Variants in HMGCLL1 observed in about 807,000 individuals in gnomAD.
HMGCLL1 encodes 3-hydroxymethyl-3-methylglutaryl-CoA lyase, cytoplasmic.
Under a neutral mutation model 39.1 loss-of-function variants are expected in HMGCLL1, and 36 were observed. That is an observed-to-expected ratio of 0.92 (90% CI 0.71 to 1.22). The LOEUF (loss-of-function observed/expected upper bound fraction) is 1.22. Ranked by LOEUF, HMGCLL1 falls within the 50% of genes most tolerant of loss-of-function variation. The pLI is 0.00. For missense variants in HMGCLL1, 451 were observed against 416.5 expected, an observed-to-expected ratio of 1.08 and a Z score of -0.72; for synonymous variants, 149 against 144.0, an observed-to-expected ratio of 1.03 and a Z score of -0.25.
chr6:55,539,414 C>T (rs1297560591), intron 3 of HMGCLL1, among the ~76,000 whole-genome samples: 1 of 152,026 alleles, frequency 6.6e-6, no homozygotes, highest in African/African-American at 2.4e-5. Context: ...GCACTATTCA[C>T]AACAGTAAAG....
At chr6:55,628,114 TATATAAAATA>T in the HMGCLL1 span, among the ~76,000 whole-genome samples, 7 of 7,270 alleles carry the variant, frequency 9.6e-4, no homozygotes, top group Admixed American at 2.7e-3. Flanking sequence ...CTATATATAA[TATATAAAATA>T]AATATATATA....
chr6:55,640,382 C>T, the HMGCLL1 span, among the ~76,000 whole-genome samples: 1 of 151,918 alleles, frequency 6.6e-6, no homozygotes, highest in Admixed American at 6.6e-5. Flanking sequence ...TTGCCTACTA[C>T]AAGAATGAAT....
At chr6:55,476,013 A>G (rs1025250003) in intron 7 of HMGCLL1, among the ~76,000 whole-genome samples, 21 of 151,668 alleles carry the variant, frequency 1.4e-4, no homozygotes, top group Non-Finnish European at 1.0e-4. Context: ...TTGTTATCTG[A>G]TAAGTTCTTC....
At chr6:55,658,070 A>C in the HMGCLL1 span, among the ~76,000 whole-genome samples, 1 of 151,928 alleles carries the variant, frequency 6.6e-6, no homozygotes. Flanking sequence ...AAAATTTAAA[A>C]AAAAAGTGTA....
At position 55,541,774 on chromosome 6, in the gene HMGCLL1, A is replaced by G. The variant is rs373008744; in HGVS notation, c.252T>C (p.Ser84=). 3.4e-5 allele frequency: 55 copies of G among 1,610,456 alleles called. No homozygotes were observed. In the African/African-American group the frequency reaches 6.3e-4, roughly 18 times the overall value. ...FINRLSQTGL[S]VIEVTSFVSS... Reference sequence around the variant, plus strand: ...ACACAAAGCTAGTCACTTCTATTACAGACAAGCCAGTTTGGGAAAGTCGAT... The same window carrying G: ...ACACAAAGCTAGTCACTTCTATTACGGACAAGCCAGTTTGGGAAAGTCGAT... Residue 84 remains serine (S), a synonymous_variant, in exon 3 of 9, where the codon TCT becomes TCC. Transcript: ENST00000274901.
intron 7 of HMGCLL1, among the ~76,000 whole-genome samples, chr6:55,476,580 A>G (rs1765296445): frequency 6.6e-6 from 1 of 151,684 alleles, no homozygotes; most frequent in African/African-American, 2.4e-5. Context: ...ACTGGCTAGA[A>G]ACTCCTACTT....
At chr6:55,556,158 G>C in intron 1 of HMGCLL1, among the ~76,000 whole-genome samples, 1 of 151,932 alleles carries the variant, frequency 6.6e-6, no homozygotes, top group South Asian at 2.1e-4. Flanking sequence ...CAGTGAACAG[G>C]ACACACAAAA....
intron 8 of HMGCLL1, 111 bp downstream of exon 8, chr6:55,439,323 G>A: frequency 9.3e-7 from 1 of 1,075,742 alleles, no homozygotes; most frequent in African/African-American, 1.6e-5. Context: ...TTAGCAAATA[G>A]CAAAAGTGTA....
At chr6:55,600,671 A>T in the HMGCLL1 span, among the ~76,000 whole-genome samples, 2 of 152,146 alleles carry the variant, frequency 1.3e-5, no homozygotes, top group Non-Finnish European at 2.9e-5. Flanking sequence ...GAATAAAAAA[A>T]TTAACATAAA....
At chr6:55,449,498 C>T (rs891780184) in intron 7 of HMGCLL1, among the ~76,000 whole-genome samples, 3 of 152,180 alleles carry the variant, frequency 2.0e-5, no homozygotes, top group Non-Finnish European at 1.5e-5. Flanking sequence ...GAGAAACAAA[C>T]ATCTATGTGT....
the HMGCLL1 span, among the ~76,000 whole-genome samples, chr6:55,637,030 A>G: frequency 6.6e-6 from 1 of 152,218 alleles, no homozygotes; most frequent in Admixed American, 6.6e-5. Context: ...TTAAAGAGCC[A>G]GCTAAAAAAT....
At chr6:55,484,183 A>G (rs183216732) in intron 7 of HMGCLL1, among the ~76,000 whole-genome samples, 26 of 152,180 alleles carry the variant, frequency 1.7e-4, no homozygotes, top group Non-Finnish European at 3.5e-4. Flanking sequence ...AGGGATGACA[A>G]TGTGGACAAT....
intron 7 of HMGCLL1, among the ~76,000 whole-genome samples, chr6:55,479,148 G>C (rs1402682098): frequency 6.6e-6 from 1 of 151,424 alleles, no homozygotes; most frequent in African/African-American, 2.4e-5. Context: ...TATGGAGCTA[G>C]GGACTATCCT....
At chr6:55,641,201 T>C in the HMGCLL1 span, among the ~76,000 whole-genome samples, 7 of 151,610 alleles carry the variant, frequency 4.6e-5, no homozygotes, top group Admixed American at 1.3e-4. Context: ...TGAGCTATTA[T>C]AAAAGACAGG....
In HMGCLL1 at chr6:55,542,269, C is replaced by T. The variant is rs571166348; in HGVS notation, c.109-129G>A. On this transcript the variant is annotated intron_variant, in intron 1 of 8. Coordinates refer to ENST00000274901, the MANE Select transcript of HMGCLL1 (RefSeq NM_001042406.2). Reference sequence around the variant, plus strand: ...GAATTAAAATACTGAAAAATCAATACAATGATATCATGAAAATGCACTATT... The same window carrying T: ...GAATTAAAATACTGAAAAATCAATATAATGATATCATGAAAATGCACTATT... The T allele has an allele frequency of 3.8e-4, 204 of 541,352 alleles. 1 individual carries two copies. Among genetic ancestry groups the T allele is most frequent in the Middle Eastern group, 3.6e-3 (8 of 2,236 alleles). 33.5% of individuals were successfully genotyped at this position (541,352 alleles called of 1,614,324 possible).
the HMGCLL1 span, among the ~76,000 whole-genome samples, chr6:55,605,012 C>T: frequency 1.9e-4 from 29 of 152,132 alleles, no homozygotes; most frequent in Non-Finnish European, 3.7e-4. Flanking sequence ...GTGCTATGCA[C>T]GGTAAACATG....
chr6:55,599,682 T>C, the HMGCLL1 span, among the ~76,000 whole-genome samples: 5 of 152,290 alleles, frequency 3.3e-5, 1 homozygote, highest in Non-Finnish European at 2.9e-5. Context: ...AGCATAACCA[T>C]GGATGCAAGT....
At chr6:55,642,434 C>G in the HMGCLL1 span, among the ~76,000 whole-genome samples, 1 of 151,794 alleles carries the variant, frequency 6.6e-6, no homozygotes, top group Non-Finnish European at 1.5e-5. Context: ...ATGAGTCAAT[C>G]TGAATGAATT....
chr6:55,622,292 A>C, the HMGCLL1 span, among the ~76,000 whole-genome samples: 1 of 152,108 alleles, frequency 6.6e-6, no homozygotes, highest in African/African-American at 2.4e-5. Context: ...CTCTAGCCAA[A>C]ATTTCTAGTA....
Sources: allele counts gnomAD v4.1 joint callset (sites outside exome capture counted in the v4.1 genomes callset), GRCh38; gene constraint gnomAD v4.1.1; transcripts MANE v1.5; gene names NCBI Gene and HGNC (gene_info 2026-07-23, HGNC 2026-07-21).